The following FRMD3 variants were observed in gnomAD, a reference collection of about 807,000 sequenced individuals.
The protein encoded by FRMD3 is FERM domain containing 3.
Under a neutral mutation model 70.2 loss-of-function variants are expected in FRMD3, and 33 were observed. The observed-to-expected ratio is 0.47, with a 90% CI of 0.36 to 0.63. The LOEUF is 0.63. Ranked by LOEUF, FRMD3 falls within the 20% of genes least tolerant of loss-of-function variation. FRMD3 has a pLI of 0.00. For synonymous variants in FRMD3, 279 were observed against 255.9 expected (o/e 1.09, Z -0.86); for missense variants, 632 against 711.4 (o/e 0.89, Z 1.27).
intron 13 of FRMD3, among the ~76,000 whole-genome samples, chr9:83,278,576 G>C (rs781170827): frequency 2.0e-5 from 3 of 152,118 alleles, no homozygotes; most frequent in Non-Finnish European, 4.4e-5. Context: ...GAAGTTTGAC[G>C]GGAAAGGCAA....
chr9:83,291,536 C>T (rs1396078511), intron 12 of FRMD3, among the ~76,000 whole-genome samples: 1 of 152,098 alleles, frequency 6.6e-6, no homozygotes, highest in Non-Finnish European at 1.5e-5. Flanking sequence ...CCCCTGGAAG[C>T]CTTCCCAGAT....
At chr9:83,316,782 A>G (rs1269881845) in intron 6 of FRMD3, among the ~76,000 whole-genome samples, 1 of 152,208 alleles carries the variant, frequency 6.6e-6, no homozygotes, top group African/African-American at 2.4e-5. Flanking sequence ...TAACAACTAT[A>G]TTGACAGGGA....
At chr9:83,507,700 A>ATG (rs1829225654) in intron 1 of FRMD3, among the ~76,000 whole-genome samples, 3 of 62,754 alleles carry the variant, frequency 4.8e-5, no homozygotes, top group African/African-American at 2.5e-4. Context: ...ACATATATAT[A>ATG]TATATATATA....
chr9:83,462,921 A>G (rs975432344), intron 1 of FRMD3, among the ~76,000 whole-genome samples: 1 of 152,216 alleles, frequency 6.6e-6, no homozygotes, highest in African/African-American at 2.4e-5. Context: ...AATTGACTTC[A>G]TTAAAAAATA....
intron 1 of FRMD3, among the ~76,000 whole-genome samples, chr9:83,491,495 G>A (rs1828824176): frequency 6.6e-6 from 1 of 152,166 alleles, no homozygotes; most frequent in African/African-American, 2.4e-5. Context: ...GACACAGGCA[G>A]GCCACAAGCC....
At chr9:83,369,438 C>T (rs949373615) in intron 3 of FRMD3, among the ~76,000 whole-genome samples, 7 of 151,624 alleles carry the variant, frequency 4.6e-5, no homozygotes, top group African/African-American at 1.7e-4. Flanking sequence ...TAGCTGGGTG[C>T]GGTGGCACGT....
At chr9:83,585,716 T>C in the FRMD3 span, among the ~76,000 whole-genome samples, 1 of 152,214 alleles carries the variant, frequency 6.6e-6, no homozygotes, top group East Asian at 1.9e-4. Context: ...CTTTCAGAGC[T>C]CTTTATGCAA....
At chr9:83,512,431 T>C (rs780613178) in intron 1 of FRMD3, among the ~76,000 whole-genome samples, 3 of 151,950 alleles carry the variant, frequency 2.0e-5, no homozygotes, top group Non-Finnish European at 4.4e-5. Flanking sequence ...TGATGGAGAG[T>C]GGCTGGGAGT....
At chr9:83,487,065 CATT>C (rs1828705318) in intron 1 of FRMD3, among the ~76,000 whole-genome samples, 1 of 152,192 alleles carries the variant, frequency 6.6e-6, no homozygotes, top group Admixed American at 6.5e-5. Flanking sequence ...TGGCAAATAG[CATT>C]ATTTCCCATG....
chr9:83,348,226 C>G (rs950446657), intron 4 of FRMD3, among the ~76,000 whole-genome samples: 1 of 152,158 alleles, frequency 6.6e-6, no homozygotes, highest in African/African-American at 2.4e-5. Context: ...ATAGCTCGCT[C>G]GCTCTCTCCT....
intron 13 of FRMD3, among the ~76,000 whole-genome samples, chr9:83,276,861 C>T (rs1339776626): frequency 1.3e-5 from 2 of 152,186 alleles, no homozygotes; most frequent in Admixed American, 6.5e-5. Context: ...AGGTGCCCAC[C>T]ACCATGCATG....
At chr9:83,256,755 GA>G (rs923550414) in intron 13 of FRMD3, among the ~76,000 whole-genome samples, 11 of 149,720 alleles carry the variant, frequency 7.3e-5, no homozygotes, top group African/African-American at 2.7e-4. Context: ...ACAAACATAT[GA>G]AAAAAAAAGC....
At chr9:83,451,489 G>C (rs113320046) in intron 1 of FRMD3, among the ~76,000 whole-genome samples, 1 of 151,942 alleles carries the variant, frequency 6.6e-6, no homozygotes, top group East Asian at 1.9e-4. Context: ...CTACCCAGGC[G>C]ATTGTCTGCA....
chr9:83,450,358 T>G (rs900653351), intron 1 of FRMD3, among the ~76,000 whole-genome samples: 37 of 141,000 alleles, frequency 2.6e-4, no homozygotes, highest in South Asian at 1.4e-3. Flanking sequence ...TTTTTTTTTT[T>G]TTTTTTTTTT....
chr9:83,309,732 C>A, intron 9 of FRMD3, 108 bp from the exon 10 acceptor site: 1 of 627,852 alleles, frequency 1.6e-6, no homozygotes. Flanking sequence ...TCTCCTATTA[C>A]ACAGACTTGA....
intron 1 of FRMD3, among the ~76,000 whole-genome samples, chr9:83,505,050 G>A (rs1356902567): frequency 6.6e-6 from 1 of 152,050 alleles, no homozygotes; most frequent in Non-Finnish European, 1.5e-5. Context: ...CAAAAAAAAT[G>A]TTCATGCATT....
rs1825616847 is a variant in FRMD3 at position 83,389,839 on chromosome 9, G to C, written c.148-131C>G. ...TGCTCACTCCAGTCCCTGAAGAAGGGGCTTCCAAACTCTTTTAACCACAAA... is the reference window on the plus strand; with the variant it reads ...TGCTCACTCCAGTCCCTGAAGAAGGCGCTTCCAAACTCTTTTAACCACAAA... On this transcript the variant is annotated intron_variant, in intron 1 of 13. Transcript: ENST00000304195. 2.8e-5 allele frequency: 18 copies of C among 633,610 alleles called. No homozygotes were observed. The Middle Eastern group carries it at 1.1e-3, about 39-fold the overall frequency. The allele number at this position is 633,610 out of a possible 1,614,324, so 39.2% of individuals were successfully genotyped here.
chr9:83,344,093 C>T (rs1309538633), intron 4 of FRMD3, among the ~76,000 whole-genome samples: 1 of 152,244 alleles, frequency 6.6e-6, no homozygotes, highest in East Asian at 1.9e-4. Context: ...ACCCCTGGCT[C>T]AGGCTCATTT....
Position 83,309,572 on chromosome 9 carries a change from A to G in FRMD3, c.890T>C (p.Leu297Pro). The change falls in exon 10 of 14, where the codon CTT (leucine) becomes CCT (proline). Residue 297 changes from leucine to proline, a missense_variant. Transcript: ENST00000304195. Reference protein sequence around the residue: ...HTSTPAACKHLWKCGVENQAF... With the variant: ...HTSTPAACKHPWKCGVENQAF... ...CTGGTTTTCCACTCCACACTTCCAA[A>G]GATGTTTGCAGGCAGCTGGTGTTGA... The G allele has an allele frequency of 6.3e-7, 1 of 1,599,566 alleles. No homozygotes were observed. Among genetic ancestry groups the G allele is most frequent in the Non-Finnish European group, 8.5e-7 (1 of 1,173,198 alleles).
Sources: gnomAD v4.1 joint callset for allele counts (sites outside exome capture counted in the v4.1 genomes callset) on GRCh38, gnomAD v4.1.1 for gene constraint, MANE v1.5 for transcripts, NCBI Gene and HGNC (gene_info 2026-07-23, HGNC 2026-07-21) for gene names.